Variants in MACROD2 observed in about 807,000 individuals in gnomAD.
The protein encoded by MACROD2 is mono-ADP ribosylhydrolase 2.
A neutral mutation model predicts 70.4 loss-of-function variants in MACROD2; 36 were observed. That is an observed-to-expected ratio of 0.51 (90% confidence interval 0.39 to 0.68). MACROD2 has a LOEUF of 0.68. Ranked by LOEUF, MACROD2 falls within the 30% of genes least tolerant of loss-of-function variation. The probability of loss-of-function intolerance (pLI) is 0.00; values close to 1 mark genes in which losing one functional copy is unlikely to be tolerated. For synonymous variants in MACROD2, 172 were observed against 178.8 expected (o/e 0.96, Z 0.30); for missense variants, 496 against 538.4 (o/e 0.92, Z 0.78).
intron 3 of MACROD2, among the ~76,000 whole-genome samples, chr20:14,480,071 G>A (rs1169197482): frequency 6.6e-6 from 1 of 151,912 alleles, no homozygotes; most frequent in Non-Finnish European, 1.5e-5. Context: ...TTATTGTAGA[G>A]ACAGAGTCTC....
At chr20:14,198,425 A>G (rs1314768322) in intron 3 of MACROD2, among the ~76,000 whole-genome samples, 1 of 152,248 alleles carries the variant, frequency 6.6e-6, no homozygotes, top group African/African-American at 2.4e-5. Context: ...CAATTATATT[A>G]GTCCAGAGCC....
At position 14,813,374 on chromosome 20, in the gene MACROD2, C is replaced by A. The variant is rs115999066; in HGVS notation, c.418+128415C>A. Among the ~76,000 whole-genome samples, 468 of 150,692 alleles carry A rather than the reference C, an allele frequency of 3.1e-3. 5 individuals carry two copies. The highest frequency in any genetic ancestry group is 0.011 in the African/African-American group (441 of 41,008). ...TGCCCCCCTCCCACCCCTTCAGGCC[C>A]CAGTGTATGTTGTTTCCCTCCCTGT... On this transcript the variant is annotated intron_variant, in intron 5 of 17. Coordinates refer to ENST00000684519, the MANE Select transcript of MACROD2 (RefSeq NM_001351661.2).
intron 5 of MACROD2, among the ~76,000 whole-genome samples, chr20:14,887,584 C>T (rs1172059963): frequency 6.6e-6 from 1 of 151,792 alleles, no homozygotes; most frequent in East Asian, 1.9e-4. Context: ...GACGGCGTTT[C>T]ACCATGTTGC....
intron 5 of MACROD2, among the ~76,000 whole-genome samples, chr20:15,199,670 T>C (rs2145926402): frequency 1.3e-5 from 2 of 152,236 alleles, no homozygotes; most frequent in Middle Eastern, 3.4e-3. Flanking sequence ...TTTTTATGGA[T>C]TAAATACATT....
chr20:15,933,851 G>A (rs113654372), intron 11 of MACROD2, among the ~76,000 whole-genome samples: 11 of 152,268 alleles, frequency 7.2e-5, no homozygotes, highest in East Asian at 1.9e-4. Context: ...CACAGAGCTC[G>A]AAGTAAGATC....
chr20:15,684,749 C>T (rs2050204490), intron 8 of MACROD2, among the ~76,000 whole-genome samples: 1 of 152,068 alleles, frequency 6.6e-6, no homozygotes, highest in Non-Finnish European at 1.5e-5. Context: ...ATATAGTATG[C>T]ACTTGAAAGT....
At position 14,862,043 on chromosome 20, in the gene MACROD2, A is replaced by ATATATTTT. The variant is rs1568838824; in HGVS notation, c.418+177089_418+177090insTTTTATAT. Among the ~76,000 whole-genome samples the ATATATTTT allele has an allele frequency of 1.2e-3, 6 of 4,806 alleles. 1 individual carries two copies. The highest frequency in any genetic ancestry group is 8.9e-3 in the East Asian group (1 of 112). The allele number at this position is 4,806 out of a possible 152,430, so 3.2% of individuals were successfully genotyped here. On this transcript the variant is annotated intron_variant, in intron 5 of 17. Coordinates refer to ENST00000684519, the MANE Select transcript of MACROD2 (RefSeq NM_001351661.2). ...TTTATATATATTTATATATATTTATATATATATTTATATATATATAAATAT... is the reference window on the plus strand; with the variant it reads ...TTTATATATATTTATATATATTTATATATATTTTTATATATTTATATATATATAAATAT...
chr20:14,912,550 A>AAAT (rs1440691055), intron 5 of MACROD2, among the ~76,000 whole-genome samples: 1 of 152,136 alleles, frequency 6.6e-6, no homozygotes, highest in Non-Finnish European at 1.5e-5. Context: ...GTGCCACAGT[A>AAAT]AGAGACCAAT....
chr20:15,061,540 T>G (rs2075533057), intron 5 of MACROD2, among the ~76,000 whole-genome samples: 1 of 152,156 alleles, frequency 6.6e-6, no homozygotes, highest in African/African-American at 2.4e-5. Flanking sequence ...GTGCTGATAT[T>G]TCCTGGGATC....
intron 5 of MACROD2, among the ~76,000 whole-genome samples, chr20:15,184,366 C>T (rs1368594665): frequency 6.6e-6 from 1 of 151,344 alleles, no homozygotes; most frequent in African/African-American, 2.4e-5. Flanking sequence ...CCTGTTTTTA[C>T]CTATCAATAT....
intron 4 of MACROD2, among the ~76,000 whole-genome samples, chr20:14,557,510 C>T (rs186516509): frequency 5.9e-5 from 9 of 151,862 alleles, no homozygotes; most frequent in Non-Finnish European, 8.8e-5. Flanking sequence ...ACATAAAGTA[C>T]TCATATACCT....
At chr20:14,087,537 T>C (rs755858006) in intron 3 of MACROD2, among the ~76,000 whole-genome samples, 7 of 152,142 alleles carry the variant, frequency 4.6e-5, no homozygotes, top group Non-Finnish European at 8.8e-5. Flanking sequence ...CTGTCTAAAA[T>C]GTAAAAGTCT....
At chr20:15,604,387 G>A (rs1295087596) in intron 8 of MACROD2, among the ~76,000 whole-genome samples, 1 of 152,124 alleles carries the variant, frequency 6.6e-6, no homozygotes, top group Non-Finnish European at 1.5e-5. Flanking sequence ...AAGAATGCCT[G>A]TGCCCAAGCA....
At chr20:15,819,692 C>G (rs571548220) in intron 8 of MACROD2, among the ~76,000 whole-genome samples, 3 of 151,782 alleles carry the variant, frequency 2.0e-5, no homozygotes, top group South Asian at 4.2e-4. Context: ...ATTGCATAAT[C>G]TCACTTATAT....
intron 3 of MACROD2, among the ~76,000 whole-genome samples, chr20:14,257,766 G>C (rs1294933824): frequency 6.6e-6 from 1 of 152,020 alleles, no homozygotes; most frequent in African/African-American, 2.4e-5. Flanking sequence ...AGTTTTTGGG[G>C]AACAGATGGT....
intron 6 of MACROD2, among the ~76,000 whole-genome samples, chr20:15,317,684 C>T (rs2077828406): frequency 6.6e-6 from 1 of 151,760 alleles, no homozygotes; most frequent in Admixed American, 6.6e-5. Context: ...CAAAAACAAC[C>T]AGTGTTTCAG....
At chr20:15,633,009 T>C (rs1050205948) in intron 8 of MACROD2, among the ~76,000 whole-genome samples, 2 of 151,860 alleles carry the variant, frequency 1.3e-5, no homozygotes, top group African/African-American at 4.8e-5. Context: ...CCTACCTACT[T>C]CCTACAGAGG....
At chr20:15,458,463 G>C (rs1052488136) in intron 7 of MACROD2, among the ~76,000 whole-genome samples, 1 of 151,968 alleles carries the variant, frequency 6.6e-6, no homozygotes, top group Non-Finnish European at 1.5e-5. Flanking sequence ...CATGGGCTTA[G>C]AATTGAAAAG....
At chr20:16,041,422 A>G (rs2067306121) in intron 16 of MACROD2, 144 bp downstream of exon 16, 2 of 647,944 alleles carry the variant, frequency 3.1e-6, no homozygotes, top group Non-Finnish European at 5.0e-6. Flanking sequence ...ATTTTGTGCT[A>G]CAAACTAATA....
Sources: allele counts gnomAD v4.1 joint callset (sites outside exome capture counted in the v4.1 genomes callset), GRCh38; gene constraint gnomAD v4.1.1; transcripts MANE v1.5; gene names NCBI Gene and HGNC (gene_info 2026-07-23, HGNC 2026-07-21).